Variants in HMGXB4 observed in about 807,000 individuals in gnomAD.
HMGXB4 encodes the protein HMG domain-containing protein 4.
A neutral mutation model predicts 63.9 loss-of-function variants in HMGXB4; 27 were observed. The ratio of observed to expected loss-of-function variants is 0.42; its 90% CI spans 0.31 to 0.58. The LOEUF (loss-of-function observed/expected upper bound fraction) is 0.58. HMGXB4 is among the 20% of genes least tolerant of loss of function. The pLI, the probability that HMGXB4 is intolerant of heterozygous loss-of-function variation, is 0.13. For synonymous variants in HMGXB4, 264 were observed against 265.3 expected, an observed-to-expected ratio of 0.99 and a Z score of 0.05; for missense variants, 624 against 700.7, an observed-to-expected ratio of 0.89 and a Z score of 1.24.
chr22:35,265,736 ATATAAAG>A (rs1923198225), intron 5 of HMGXB4, 133 bp downstream of exon 5: 2 of 1,249,902 alleles, frequency 1.6e-6, no homozygotes, highest in Non-Finnish European at 2.1e-6. Flanking sequence ...TGTTGGAATG[ATATAAAG>A]TATAAAATAT....
intron 2 of HMGXB4, 98 bp downstream of exon 2, chr22:35,262,519 G>A: frequency 8.3e-7 from 1 of 1,209,192 alleles, no homozygotes; most frequent in East Asian, 2.3e-5. Flanking sequence ...CCACAGCCTG[G>A]ACTCCCAAGT....
the HMGXB4 span, among the ~76,000 whole-genome samples, chr22:35,243,895 C>G: frequency 4.6e-5 from 7 of 152,168 alleles, no homozygotes; most frequent in African/African-American, 1.4e-4. Flanking sequence ...TTCCTTCTGG[C>G]CTCCATGATT....
intron 4 of HMGXB4, chr22:35,264,125 C>A: frequency 7.3e-7 from 1 of 1,373,294 alleles, no homozygotes. Context: ...CCCCAATCAT[C>A]CACTTATCTT....
intron 9 of HMGXB4, among the ~76,000 whole-genome samples, chr22:35,291,754 A>T (rs1161029384): frequency 6.6e-6 from 1 of 152,150 alleles, no homozygotes; most frequent in Non-Finnish European, 1.5e-5. Flanking sequence ...TGTTCCCCCC[A>T]TTTTACAGAA....
chr22:35,293,147 C>T (rs1925029978), intron 10 of HMGXB4, 33 bp downstream of exon 10: 2 of 1,613,540 alleles, frequency 1.2e-6, no homozygotes, highest in Admixed American at 1.7e-5. Flanking sequence ...GAGTCAGATC[C>T]ATTGGGCGTC....
intron 5 of HMGXB4, among the ~76,000 whole-genome samples, chr22:35,272,499 A>T (rs890221489): frequency 8.5e-5 from 13 of 152,210 alleles, no homozygotes; most frequent in African/African-American, 2.9e-4. Flanking sequence ...GAGAAATTAT[A>T]TGGTAATATC....
intron 5 of HMGXB4, among the ~76,000 whole-genome samples, chr22:35,272,810 T>C (rs1332924225): frequency 1.3e-5 from 2 of 152,188 alleles, no homozygotes; most frequent in African/African-American, 4.8e-5. Flanking sequence ...GGCGCGTGCC[T>C]GTAATCCCAG....
chr22:35,248,367 C>T, the HMGXB4 span, among the ~76,000 whole-genome samples: 3 of 147,156 alleles, frequency 2.0e-5, no homozygotes, highest in Non-Finnish European at 3.0e-5. Flanking sequence ...AAGGCAATGG[C>T]GAGAGCAGGA....
chr22:35,243,953 A>G, the HMGXB4 span, among the ~76,000 whole-genome samples: 1 of 152,172 alleles, frequency 6.6e-6, no homozygotes, highest in Non-Finnish European at 1.5e-5. Flanking sequence ...CTTGTATAAG[A>G]TAAACATTTT....
intron 5 of HMGXB4, 139 bp downstream of exon 5, chr22:35,265,742 A>C (rs1229787422): frequency 1.9e-5 from 23 of 1,221,754 alleles, no homozygotes; most frequent in Non-Finnish European, 2.4e-5. Flanking sequence ...AATGATATAA[A>C]GTATAAAATA....
intron 5 of HMGXB4, among the ~76,000 whole-genome samples, chr22:35,282,502 A>G (rs1305734841): frequency 1.3e-5 from 2 of 152,244 alleles, no homozygotes; most frequent in Non-Finnish European, 2.9e-5. Flanking sequence ...AAAAAGGACT[A>G]GGAGTAGATG....
chr22:35,267,521 T>C (rs1274728007), intron 5 of HMGXB4, among the ~76,000 whole-genome samples: 1 of 152,076 alleles, frequency 6.6e-6, no homozygotes, highest in Middle Eastern at 3.2e-3. Flanking sequence ...CAGAGTAAAA[T>C]AACTATAACT....
chr22:35,270,795 G>A (rs1406602435), intron 5 of HMGXB4, among the ~76,000 whole-genome samples: 1 of 152,192 alleles, frequency 6.6e-6, no homozygotes, highest in African/African-American at 2.4e-5. Context: ...GATTGTGGCT[G>A]TCCAAAAAAT....
chr22:35,282,350 A>G (rs1204736753), intron 5 of HMGXB4, among the ~76,000 whole-genome samples: 1 of 151,962 alleles, frequency 6.6e-6, no homozygotes, highest in Non-Finnish European at 1.5e-5. Flanking sequence ...CTAATTTTTT[A>G]TATTTTTAGT....
In HMGXB4 at chr22:35,293,092, A is replaced by C; in HGVS notation, c.1739A>C (p.Asn580Thr). ...CTCACCACACAACTACCTGAATTGA[A>C]TGGCTGTCCCAAACAGGTCTTGGTG... ...ACLTTQLPEL[N>T]GCPKQVLSNT... The change falls in exon 10 of 11, where the codon AAT becomes ACT. Residue 580 changes from asparagine (N) to threonine (T), a missense_variant. Physicochemically the swap from Asn to Thr is moderately conservative, Grantham distance 65 (BLOSUM62 0). Around this residue, in one of 2 missense-constraint regions of HMGXB4, gnomAD observed 152 missense variants for 230.1 expected, o/e 0.66. Transcript: ENST00000216106. 1 of 1,614,176 alleles carries C rather than the reference A, an allele frequency of 6.2e-7. No individual in the cohort carries two copies. Among genetic ancestry groups the C allele is most frequent in the Non-Finnish European group, 8.5e-7 (1 of 1,180,032 alleles).
the HMGXB4 span, among the ~76,000 whole-genome samples, chr22:35,250,720 A>G: frequency 1.7e-3 from 264 of 152,218 alleles, 1 homozygote; most frequent in African/African-American, 5.9e-3. Context: ...CTTGGCTCAC[A>G]TGACATAACA....
At chr22:35,264,113 C>A in intron 4 of HMGXB4, 1 of 1,439,886 alleles carries the variant, frequency 6.9e-7, no homozygotes, top group South Asian at 1.2e-5. Context: ...GGTTCCTTCT[C>A]CCCCCAATCA....
chr22:35,287,427 C>G lies in HMGXB4; in HGVS notation c.1443C>G (p.Ser481Arg), dbSNP rs761021787. Residue 481 changes from serine to arginine, a missense_variant, in exon 8 of 11, where the codon AGC (serine) becomes AGG (arginine). This residue lies in a region of HMGXB4 where 152 missense variants were observed against 230.1 expected (regional missense o/e 0.66). Transcript: ENST00000216106. ...CAACTGTGAAAAGGAAAGCATCCAGCTCAGAAGGTTCCATGAAAGTCAAAG... is the reference window on the plus strand; with the variant it reads ...CAACTGTGAAAAGGAAAGCATCCAGGTCAGAAGGTTCCATGAAAGTCAAAG... ...EATTVKRKAS[S>R]SEGSMKVKAS... 2 of 1,612,922 alleles carry G rather than the reference C, an allele frequency of 1.2e-6. No individual in the cohort carries two copies. Among genetic ancestry groups the G allele is most frequent in the Non-Finnish European group, 1.7e-6 (2 of 1,179,260 alleles).
rs1925187459 is a variant in HMGXB4 at position 35,295,120 on chromosome 22, T to G, written c.*1469T>G. ...TTCTCTGCCAACACCAAGCTCTGAG[T>G]TAACTGTGCTTTCTTCTCCTGGCCC... On this transcript the variant is annotated 3_prime_UTR_variant, in exon 11 of 11. Transcript: ENST00000216106. The G allele has an allele frequency of 9.5e-6, 1 of 104,958 alleles. No individual in the cohort carries two copies. Among genetic ancestry groups the G allele is most frequent in the Non-Finnish European group, 2.6e-5 (1 of 38,970 alleles). 6.5% of individuals were successfully genotyped at this position (104,958 alleles called of 1,614,324 possible).
Sources: gnomAD v4.1 joint callset for allele counts (sites outside exome capture counted in the v4.1 genomes callset) on GRCh38, gnomAD v4.1.1 for gene constraint, gnomAD v4.1.1 regional missense constraint, MANE v1.5 for transcripts, NCBI Gene and HGNC (gene_info 2026-07-23, HGNC 2026-07-21) for gene names.